GAL3ST1: variants seen among roughly 807,000 people sequenced by gnomAD.
The protein encoded by GAL3ST1 is galactose-3-O-sulfotransferase 1, also known as galactosylceramide sulfotransferase.
Under a neutral mutation model 25.0 loss-of-function variants are expected in GAL3ST1, and 13 were observed. That is an observed-to-expected ratio of 0.52 (90% confidence interval 0.34 to 0.83). GAL3ST1 has a LOEUF of 0.83. Among genes scored for constraint, GAL3ST1 ranks in the 40% least tolerant of loss-of-function variants. The pLI is 0.02. For missense variants in GAL3ST1, 474 were observed against 613.6 expected (o/e 0.77, Z 2.40); for synonymous variants, 274 against 277.8 (o/e 0.99, Z 0.14).
At chr22:30,564,196 GCAGA>G (rs912312046) in intron 1 of GAL3ST1, among the ~76,000 whole-genome samples, 7 of 152,208 alleles carry the variant, frequency 4.6e-5, no homozygotes, top group African/African-American at 1.7e-4. Flanking sequence ...CTGGTGCAGA[GCAGA>G]CAGTCACTCA....
chr22:30,555,689 G>A lies in GAL3ST1; in HGVS notation c.536C>T (p.Pro179Leu). 2 of 1,613,872 alleles carry A rather than the reference G, an allele frequency of 1.2e-6. No homozygotes were observed. Among genetic ancestry groups the A allele is most frequent in the Non-Finnish European group, 1.7e-6 (2 of 1,180,030 alleles). The change falls in exon 4 of 4, where the codon CCG becomes CTG. Residue 179 changes from proline (P) to leucine (L), a missense_variant. This residue lies in a region of GAL3ST1 where 359 missense variants were observed against 504.4 expected (regional missense o/e 0.71). Transcript: ENST00000406361. The surrounding 1 kb of genome is among the most constrained non-coding windows in gnomAD (Gnocchi z 8.6). ...GAGCTTCCACGTGAGGGGCACCACC[G>A]GCCCGAAGTAGTGGAAGGAGGACTC... Reference protein sequence around the residue: ...LFESSFHYFGPVVPLTWKLSA... With the variant: ...LFESSFHYFGLVVPLTWKLSA...
At chr22:30,556,206 G>T in intron 3 of GAL3ST1, 113 bp from the exon 4 acceptor site, 1 of 868,284 alleles carries the variant, frequency 1.2e-6, no homozygotes, top group Non-Finnish European at 1.7e-6. Context: ...AGCTGGGATA[G>T]TGAGACCTGT....
intron 1 of GAL3ST1, among the ~76,000 whole-genome samples, chr22:30,573,479 G>C (rs2086833612): frequency 6.6e-6 from 1 of 152,220 alleles, no homozygotes; most frequent in African/African-American, 2.4e-5. Context: ...TCTGGTCCAG[G>C]ACTGCCCTCC....
In GAL3ST1 at chr22:30,557,688, G is replaced by C. The variant is rs137873755; in HGVS notation, c.-9-287C>G. 388 of 309,060 alleles carry C rather than the reference G, an allele frequency of 1.3e-3. 1 individual carries two copies. The highest frequency in any genetic ancestry group is 7.6e-3 in the African/African-American group (356 of 46,704). 19.1% of individuals were successfully genotyped at this position (309,060 alleles called of 1,614,324 possible). On this transcript the variant is annotated intron_variant, in intron 2 of 3. Coordinates refer to ENST00000406361, the MANE Select transcript of GAL3ST1 (RefSeq NM_001318104.2). Reference sequence around the variant, plus strand: ...TTAAAATGAACCGGGTAGAGAACCAGGGCCCCAAACTTTCCACTCCTTTTA... The same window carrying C: ...TTAAAATGAACCGGGTAGAGAACCACGGCCCCAAACTTTCCACTCCTTTTA...
At chr22:30,557,921 G>A (rs768685233) in intron 2 of GAL3ST1, among the ~76,000 whole-genome samples, 4 of 150,060 alleles carry the variant, frequency 2.7e-5, no homozygotes, top group African/African-American at 9.8e-5. Context: ...ATACCTTTTA[G>A]GGCATCATAA....
intron 1 of GAL3ST1, among the ~76,000 whole-genome samples, chr22:30,569,746 G>T (rs956717396): frequency 6.6e-6 from 1 of 152,174 alleles, no homozygotes; most frequent in South Asian, 2.1e-4. Flanking sequence ...AGACAAAACA[G>T]GGCAGCTAGG....
chr22:30,559,475 G>A (rs1474096004), intron 1 of GAL3ST1, among the ~76,000 whole-genome samples: 2 of 152,150 alleles, frequency 1.3e-5, no homozygotes, highest in Non-Finnish European at 1.5e-5. Context: ...TCCTGACCTT[G>A]TGATCTGCCC....
intron 1 of GAL3ST1, among the ~76,000 whole-genome samples, chr22:30,562,753 C>T (rs181543057): frequency 3.9e-4 from 59 of 152,330 alleles, no homozygotes; most frequent in African/African-American, 1.3e-3. Context: ...TCCAGGCAGA[C>T]AACACCTCAC....
Position 30,554,953 on chromosome 22 carries a change from TCAC to T in GAL3ST1, c.1269_1271del (p.Trp423del). Reference sequence around the variant, plus strand: ...AGGCAAGCCGCTGGGCGGTGGGACGTCACCACCGCAGGAAATCGCGAATGAACT... The same window carrying T: ...AGGCAAGCCGCTGGGCGGTGGGACGTCACCGCAGGAAATCGCGAATGAACT... On this transcript the variant is annotated inframe_deletion, in exon 4 of 4. Transcript: ENST00000406361. 5.1e-6 allele frequency: 8 copies of T among 1,559,502 alleles called. No individual in the cohort carries two copies. The highest frequency in any genetic ancestry group is 7.0e-6 in the Non-Finnish European group (8 of 1,147,114).
At chr22:30,566,732 C>G (rs775641196) in intron 1 of GAL3ST1, among the ~76,000 whole-genome samples, 1 of 152,102 alleles carries the variant, frequency 6.6e-6, no homozygotes, top group Non-Finnish European at 1.5e-5. Flanking sequence ...GCCTCAGCCT[C>G]CTGAGTAGCT....
intron 1 of GAL3ST1, among the ~76,000 whole-genome samples, chr22:30,563,072 C>T (rs1402182809): frequency 2.6e-5 from 4 of 151,944 alleles, no homozygotes; most frequent in East Asian, 1.9e-4. Context: ...GCTGAGATTG[C>T]GCCATTGCAC....
rs1165506303 is a variant in GAL3ST1 at position 30,555,217 on chromosome 22, A to G, written c.1008T>C (p.His336=). Residue 336 remains histidine (H), a synonymous_variant, in exon 4 of 4, where the codon CAT becomes CAC. Coordinates refer to ENST00000406361, the MANE Select transcript of GAL3ST1 (RefSeq NM_001318104.2). This position sits in a 1 kb window ranked among gnomAD's most constrained non-coding sequence, Gnocchi z 8.6. ...AGATGGTCCGCATGCGCTCGTTGGC[A>G]TGGCGCAGGGCGGCCACCTCGCGGG... ...RMAREVAALR[H]ANERMRTICI... 1 of 1,598,962 alleles carries G rather than the reference A, an allele frequency of 6.3e-7. No individual in the cohort carries two copies. The highest frequency in any genetic ancestry group is 1.1e-5 in the South Asian group (1 of 90,724).
At chr22:30,569,939 C>T (rs533211848) in intron 1 of GAL3ST1, among the ~76,000 whole-genome samples, 190 of 152,048 alleles carry the variant, frequency 1.2e-3, no homozygotes, top group Admixed American at 2.9e-3. Flanking sequence ...AAACATTAGC[C>T]CTGTGTGGTG....
intron 1 of GAL3ST1, among the ~76,000 whole-genome samples, chr22:30,561,223 C>T (rs1601954053): frequency 6.6e-6 from 1 of 152,222 alleles, no homozygotes; most frequent in Non-Finnish European, 1.5e-5. Context: ...GGATTACAGG[C>T]GTGAGCCACT....
intron 1 of GAL3ST1, among the ~76,000 whole-genome samples, chr22:30,571,440 C>G (rs2086782386): frequency 6.6e-6 from 1 of 152,196 alleles, no homozygotes; most frequent in Non-Finnish European, 1.5e-5. Context: ...ACATCTGGCC[C>G]CTGCTGCGAC....
At chr22:30,556,128 G>A in intron 3 of GAL3ST1, 35 bp from the exon 4 acceptor site, 1 of 1,531,754 alleles carries the variant, frequency 6.5e-7, no homozygotes, top group Non-Finnish European at 8.9e-7. Flanking sequence ...GAGCCTCAGG[G>A]GGGTGCTGGG....
At position 30,554,998 on chromosome 22, in the gene GAL3ST1, C is replaced by T. The variant is rs1475693270; in HGVS notation, c.1227G>A (p.Trp409Ter). 1 of 1,593,646 alleles carries T rather than the reference C, an allele frequency of 6.3e-7. No individual in the cohort carries two copies. The highest frequency in any genetic ancestry group is 1.3e-5 in the African/African-American group (1 of 74,466). The change falls in exon 4 of 4, where the codon TGG becomes TGA. Residue 409 changes from tryptophan to a stop codon, truncating the protein, a stop_gained. Coordinates refer to ENST00000406361, the MANE Select transcript of GAL3ST1 (RefSeq NM_001318104.2). LOFTEE classifies it high-confidence loss of function. ...GAATGAACTTCCAGAGCTTGGTGAC[C>T]CACAGGTTGGCGCCGAGGTCCATCA... ...QYLMDLGANL[W>*]VTKLWKFIRD...
In GAL3ST1 at chr22:30,555,166, G is replaced by A. The variant is rs1370447523; in HGVS notation, c.1059C>T (p.Asp353=). Reference sequence around the variant, plus strand: ...TGGCCTCGTCCTGGATGGCGGCGGCGTCCACGGCGTGGCCCCCGTCGATGC... The same window carrying A: ...TGGCCTCGTCCTGGATGGCGGCGGCATCCACGGCGTGGCCCCCGTCGATGC... ...TICIDGGHAV[D]AAAIQDEAMQ... The change falls in exon 4 of 4, where the codon GAC becomes GAT. Residue 353 remains aspartate, a synonymous_variant. Coordinates refer to ENST00000406361, the MANE Select transcript of GAL3ST1 (RefSeq NM_001318104.2). This position sits in a 1 kb window ranked among gnomAD's most constrained non-coding sequence, Gnocchi z 8.6. 3 of 1,603,764 alleles carry A rather than the reference G, an allele frequency of 1.9e-6. No homozygotes were observed. Among genetic ancestry groups the A allele is most frequent in the African/African-American group, 1.3e-5 (1 of 74,816 alleles).
chr22:30,560,247 C>T (rs1200868977), intron 1 of GAL3ST1: 2 of 152,154 alleles, frequency 1.3e-5, no homozygotes, highest in Non-Finnish European at 2.9e-5. Context: ...GGAATAAACC[C>T]GGCAGCCATG....
Sources: gnomAD v4.1 joint callset for allele counts (sites outside exome capture counted in the v4.1 genomes callset) on GRCh38, gnomAD v4.1.1 for gene constraint, gnomAD v4.1.1 regional missense constraint, Gnocchi (gnomAD v3.1) non-coding constraint, MANE v1.5 for transcripts, NCBI Gene and HGNC (gene_info 2026-07-23, HGNC 2026-07-21) for gene names.